The following SELP variants were observed in gnomAD, a reference collection of about 807,000 sequenced individuals.
SELP encodes selectin P.
SELP carries 92 observed loss-of-function variants against 104.1 expected under a neutral mutation model. The observed-to-expected ratio is 0.88, with a 90% CI of 0.75 to 1.05. The LOEUF (loss-of-function observed/expected upper bound fraction) is 1.05, where lower values mean the gene tolerates loss of function less well. Ranked by LOEUF, SELP falls within the 50% of genes least tolerant of loss-of-function variation. The probability of loss-of-function intolerance (pLI) is 0.00; values close to 1 mark genes in which losing one functional copy is unlikely to be tolerated. For synonymous variants in SELP, 397 were observed against 364.5 expected (o/e 1.09, Z -1.01); for missense variants, 1,022 against 1,017.3 (o/e 1.00, Z -0.06).
chr1:169,605,564 T>C (rs1308711972), intron 9 of SELP, among the ~76,000 whole-genome samples: 1 of 152,126 alleles, frequency 6.6e-6, no homozygotes, highest in Non-Finnish European at 1.5e-5. Context: ...GTAAAAAATA[T>C]GTATCTGCCC....
intron 3 of SELP, among the ~76,000 whole-genome samples, chr1:169,615,830 T>G (rs1250147405): frequency 6.6e-6 from 1 of 152,214 alleles, no homozygotes; most frequent in Non-Finnish European, 1.5e-5. Context: ...CTTTATTCTG[T>G]GTATTCTGTT....
chr1:169,619,366 T>C (rs764050661), intron 1 of SELP, 147 bp from the exon 2 acceptor site: 19 of 620,524 alleles, frequency 3.1e-5, no homozygotes, highest in Non-Finnish European at 4.5e-5. Context: ...TCCTTCTTGC[T>C]TCTCATTGCC....
chr1:169,614,357 A>G (rs1002955113), intron 3 of SELP, among the ~76,000 whole-genome samples: 3 of 152,368 alleles, frequency 2.0e-5, no homozygotes, highest in African/African-American at 7.2e-5. Flanking sequence ...GCAGGCGAAG[A>G]GAGTACTGAC....
intron 1 of SELP, among the ~76,000 whole-genome samples, chr1:169,619,950 C>T (rs1663008063): frequency 1.3e-5 from 2 of 151,994 alleles, no homozygotes; most frequent in Admixed American, 1.3e-4. Context: ...TGCCTGTAAT[C>T]CCAGCACTTT....
At chr1:169,604,574 A>T (rs1463891256) in intron 9 of SELP, among the ~76,000 whole-genome samples, 2 of 152,180 alleles carry the variant, frequency 1.3e-5, no homozygotes, top group Non-Finnish European at 2.9e-5. Flanking sequence ...AGGTTTCAAG[A>T]ACACTTTCTA....
chr1:169,617,125 G>A lies in SELP; in HGVS notation c.384C>T (p.Asn128=), dbSNP rs147922476. 3,549 of 1,613,840 alleles carry A rather than the reference G, an allele frequency of 2.2e-3. 12 individuals carry two copies. Among genetic ancestry groups the A allele is most frequent in the South Asian group, 2.6e-3 (235 of 91,058 alleles). Residue 128 remains asparagine (N), a synonymous_variant, in exon 3 of 17, where the codon AAC becomes AAT. Transcript: ENST00000263686. ...TGATGTATATCTCCACGCAGTCCTC[G>A]TTGTTCCTTTTGTTGTTAGGTTCAT... ...ADNEPNNKRN[N]EDCVEIYIKS...
intron 1 of SELP, among the ~76,000 whole-genome samples, chr1:169,627,239 G>A (rs1663416265): frequency 6.6e-6 from 1 of 152,166 alleles, no homozygotes; most frequent in African/African-American, 2.4e-5. Context: ...GGTGTTAGTG[G>A]TGTGGCACAG....
chr1:169,596,191 G>C, intron 11 of SELP, 57 bp from the exon 12 acceptor site: 3 of 1,464,356 alleles, frequency 2.0e-6, no homozygotes, highest in South Asian at 1.2e-5. Context: ...AGCGTTAACA[G>C]AGTTAAGGCT....
chr1:169,592,200 G>A (rs1422548821), intron 14 of SELP, among the ~76,000 whole-genome samples: 6 of 152,196 alleles, frequency 3.9e-5, no homozygotes, highest in Admixed American at 2.0e-4. Context: ...GTAGCTCTCA[G>A]TACATCTCTT....
At chr1:169,610,029 T>C (rs1662433809) in intron 7 of SELP, among the ~76,000 whole-genome samples, 1 of 152,144 alleles carries the variant, frequency 6.6e-6, no homozygotes, top group Non-Finnish European at 1.5e-5. Flanking sequence ...CATTATACCG[T>C]GGTCTCCTCG....
chr1:169,602,662 A>G (rs556013498), intron 10 of SELP, among the ~76,000 whole-genome samples: 1 of 152,268 alleles, frequency 6.6e-6, no homozygotes, highest in Admixed American at 6.5e-5. Context: ...ACCAGGCTGG[A>G]GTGCAATGGC....
chr1:169,590,487 G>T (rs961710084), intron 15 of SELP, among the ~76,000 whole-genome samples: 3 of 152,158 alleles, frequency 2.0e-5, no homozygotes, highest in Non-Finnish European at 4.4e-5. Flanking sequence ...GTGACAAGAG[G>T]TAGTTACAAA....
Position 169,612,993 on chromosome 1 carries a change from AT to A in SELP, c.710del (p.Asn237MetfsTer22). 1.9e-6 allele frequency: 3 copies of A among 1,613,824 alleles called. No homozygotes were observed. The East Asian group carries it at 6.7e-5, about 36-fold the overall frequency. On this transcript the variant is annotated frameshift_variant, in exon 5 of 17. Coordinates refer to ENST00000263686, the MANE Select transcript of SELP (RefSeq NM_003005.4). LOFTEE classifies it high-confidence loss of function. Reference sequence around the variant, plus strand: ...CCAAGCATTCCAGCTTGCTGGGCCCATTTACTTGGTACCCGTCAGTGCAGTG... The same window carrying A: ...CCAAGCATTCCAGCTTGCTGGGCCCATTACTTGGTACCCGTCAGTGCAGTG... ...SFHCTDGYQV[N>X]GPSKLECLAS...
intron 8 of SELP, among the ~76,000 whole-genome samples, chr1:169,607,659 AAAAT>A (rs976523291): frequency 2.0e-5 from 3 of 152,208 alleles, no homozygotes; most frequent in African/African-American, 7.2e-5. Flanking sequence ...TCAAAGATGT[AAAAT>A]AAATAACCAT....
intron 4 of SELP, among the ~76,000 whole-genome samples, 176 bp downstream of exon 4, chr1:169,613,410 A>G (rs536887787): frequency 5.3e-5 from 8 of 152,284 alleles, no homozygotes; most frequent in African/African-American, 1.9e-4. Context: ...TTCTCCCAAG[A>G]ATAAAATGTT....
chr1:169,597,986 A>T (rs895005154), intron 10 of SELP, among the ~76,000 whole-genome samples: 51 of 152,316 alleles, frequency 3.3e-4, no homozygotes, highest in African/African-American at 1.2e-3. Flanking sequence ...GTCCCATGTC[A>T]TACCCTCACT....
chr1:169,612,101 A>T (rs1428441003), intron 6 of SELP, 116 bp downstream of exon 6: 2 of 989,936 alleles, frequency 2.0e-6, no homozygotes, highest in Non-Finnish European at 3.0e-6. Context: ...AGGTAGGAAG[A>T]GAATTAAATT....
chr1:169,595,891 C>T (rs774971314), intron 12 of SELP, 34 bp downstream of exon 12: 1 of 1,596,344 alleles, frequency 6.3e-7, no homozygotes, highest in South Asian at 1.1e-5. Flanking sequence ...TGCAGGAAGG[C>T]AGGTTCAGAA....
chr1:169,596,253 A>G, intron 11 of SELP, 119 bp from the exon 12 acceptor site: 1 of 854,844 alleles, frequency 1.2e-6, no homozygotes, highest in Non-Finnish European at 1.9e-6. Flanking sequence ...GGCTCCTGCA[A>G]GAGCTATTTA....
Sources: gnomAD v4.1 joint callset for allele counts (sites outside exome capture counted in the v4.1 genomes callset) on GRCh38, gnomAD v4.1.1 for gene constraint, MANE v1.5 for transcripts, NCBI Gene and HGNC (gene_info 2026-07-23, HGNC 2026-07-21) for gene names.